PIEZO2: variants seen among roughly 807,000 people sequenced by gnomAD.
The protein encoded by PIEZO2 is piezo type mechanosensitive ion channel component 2.
Under a neutral mutation model 337.3 loss-of-function variants are expected in PIEZO2, and 172 were observed. The ratio of observed to expected loss-of-function variants is 0.51; its 90% CI spans 0.45 to 0.58. PIEZO2 has a LOEUF of 0.58. PIEZO2 is among the 20% of genes least tolerant of loss of function. The pLI, the probability that PIEZO2 is intolerant of heterozygous loss-of-function variation, is 0.00. For synonymous variants in PIEZO2, 1,251 were observed against 1,228.5 expected, an observed-to-expected ratio of 1.02 and a Z score of -0.38; for missense variants, 3,028 against 3,391.3, an observed-to-expected ratio of 0.89 and a Z score of 2.66.
intron 1 of PIEZO2, among the ~76,000 whole-genome samples, chr18:11,074,758 A>G (rs1568351461): frequency 6.6e-6 from 1 of 152,256 alleles, no homozygotes; most frequent in Non-Finnish European, 1.5e-5. Flanking sequence ...AGGTGGCCAC[A>G]TAACATTTGT....
At chr18:11,037,539 T>C (rs2036966906) in intron 2 of PIEZO2, among the ~76,000 whole-genome samples, 1 of 152,184 alleles carries the variant, frequency 6.6e-6, no homozygotes, top group Non-Finnish European at 1.5e-5. Context: ...AAGTCCTAAA[T>C]TGTGAAATAT....
At position 10,691,282 on chromosome 18, in the gene PIEZO2, A is replaced by G. The variant is rs748334013; in HGVS notation, c.7292T>C (p.Val2431Ala). The G allele has an allele frequency of 1.9e-6, 3 of 1,614,010 alleles. No homozygotes were observed. The highest frequency in any genetic ancestry group is 2.5e-6 in the Non-Finnish European group (3 of 1,179,986). The change falls in exon 48 of 56, where the codon GTC becomes GCC. Residue 2431 changes from valine (V) to alanine (A), a missense_variant. Val to Ala is a moderately conservative substitution (Grantham distance 64). This residue lies in a region of PIEZO2 where 179 missense variants were observed against 281.8 expected (regional missense o/e 0.64). Coordinates refer to ENST00000674853, the MANE Select transcript of PIEZO2 (RefSeq NM_001378183.1). Reference sequence around the variant, plus strand: ...GCTCTTGGTGAGGAAGTTCCCCAGGACTCGCGTTGGGTAGCCACAACGGAT... The same window carrying G: ...GCTCTTGGTGAGGAAGTTCCCCAGGGCTCGCGTTGGGTAGCCACAACGGAT... ...YQIRCGYPTR[V>A]LGNFLTKSYN...
rs10718341 is a variant in PIEZO2, at chr18:10,828,140, G to GTTTTT, written c.918-20871_918-20867dup. Reference sequence around the variant, plus strand: ...GGTTTTTTTTTGTTTGTTTGTTTTTGTTTTTTTTTTTTTTTACAGTAAAAC... The same window carrying GTTTTT: ...GGTTTTTTTTTGTTTGTTTGTTTTTGTTTTTTTTTTTTTTTTTTTTACAGTAAAAC... On this transcript the variant is annotated intron_variant, in intron 7 of 55. Coordinates refer to ENST00000674853, the MANE Select transcript of PIEZO2 (RefSeq NM_001378183.1). This position sits in a 1 kb window ranked among gnomAD's most constrained non-coding sequence, Gnocchi z 4.1. Among the ~76,000 whole-genome samples the GTTTTT allele has an allele frequency of 7.1e-6, 1 of 141,020 alleles. No homozygotes were observed. Among genetic ancestry groups the GTTTTT allele is most frequent in the Non-Finnish European group, 1.5e-5 (1 of 64,616 alleles). The allele number at this position is 141,020 out of a possible 152,430, so 92.5% of individuals were successfully genotyped here.
chr18:11,109,581 G>A lies in PIEZO2; in HGVS notation c.64+38944C>T, dbSNP rs1372238311. Reference sequence around the variant, plus strand: ...AAATACAAAAAAATTAGCCGGGCATGGTGGCATGCACCTGTAATCCCAGCT... The same window carrying A: ...AAATACAAAAAAATTAGCCGGGCATAGTGGCATGCACCTGTAATCCCAGCT... On this transcript the variant is annotated intron_variant, in intron 1 of 55. Transcript: ENST00000674853. The surrounding 1 kb of genome is among the most constrained non-coding windows in gnomAD (Gnocchi z 5.1). 1.3e-5 allele frequency among the ~76,000 whole-genome samples: 2 copies of A among 152,120 alleles called. No individual in the cohort carries two copies. The highest frequency in any genetic ancestry group is 2.9e-5 in the Non-Finnish European group (2 of 68,028).
Position 10,942,645 on chromosome 18 carries a change from G to T in PIEZO2, c.287-31417C>A, listed in dbSNP as rs988838111. Among the ~76,000 whole-genome samples, 4 of 152,144 alleles carry T rather than the reference G, an allele frequency of 2.6e-5. No individual in the cohort carries two copies. The highest frequency in any genetic ancestry group is 5.9e-5 in the Non-Finnish European group (4 of 68,014). On this transcript the variant is annotated intron_variant, in intron 3 of 55. Coordinates refer to ENST00000674853, the MANE Select transcript of PIEZO2 (RefSeq NM_001378183.1). The surrounding 1 kb of genome is among the most constrained non-coding windows in gnomAD (Gnocchi z 4.4). ...CAAAAGTTCGGAAAATTTGCAGCCT[G>T]ACAATGCAATAAAAAAGAAAATCCC...
At chr18:10,949,645 A>G (rs1023436818) in intron 3 of PIEZO2, among the ~76,000 whole-genome samples, 3 of 152,252 alleles carry the variant, frequency 2.0e-5, no homozygotes, top group South Asian at 2.1e-4. Context: ...ACCAGCCACA[A>G]TTGGTTGGAA....
chr18:10,994,820 G>A (rs371993755), intron 2 of PIEZO2, among the ~76,000 whole-genome samples: 135 of 151,488 alleles, frequency 8.9e-4, no homozygotes, highest in African/African-American at 3.1e-3. Context: ...AGTAGCTCAC[G>A]CCTGTAATCC....
At chr18:11,013,930 C>T (rs1237675764) in intron 2 of PIEZO2, among the ~76,000 whole-genome samples, 2 of 152,178 alleles carry the variant, frequency 1.3e-5, no homozygotes, top group Non-Finnish European at 2.9e-5. Flanking sequence ...AATCCTCAGT[C>T]AAGACATTAC....
chr18:10,774,483 T>C (rs2038718070), intron 18 of PIEZO2, among the ~76,000 whole-genome samples: 2 of 152,062 alleles, frequency 1.3e-5, no homozygotes, highest in African/African-American at 4.8e-5. Context: ...TTTTCAGGAG[T>C]GAGACGTCTG....
At chr18:10,754,829 T>A (rs932573505) in intron 27 of PIEZO2, among the ~76,000 whole-genome samples, 1 of 152,200 alleles carries the variant, frequency 6.6e-6, no homozygotes, top group Non-Finnish European at 1.5e-5. Flanking sequence ...CGCATAAACA[T>A]TCAGATTTGG....
chr18:10,689,515 T>C, intron 49 of PIEZO2, 140 bp downstream of exon 49: 1 of 1,107,588 alleles, frequency 9.0e-7, no homozygotes. Context: ...TCTAGTGGGT[T>C]GGAAATCACT....
intron 7 of PIEZO2, among the ~76,000 whole-genome samples, chr18:10,844,807 T>G (rs1182697119): frequency 1.5e-4 from 19 of 125,324 alleles, no homozygotes; most frequent in African/African-American, 5.3e-4. Context: ...AAAAAAAAAG[T>G]ACCTACCTCA....
chr18:10,915,828 C>T (rs112470579), intron 3 of PIEZO2, among the ~76,000 whole-genome samples: 98 of 152,172 alleles, frequency 6.4e-4, no homozygotes, highest in African/African-American at 1.9e-3. Flanking sequence ...AGAATGAAGC[C>T]GCAGACCCTC....
rs35995331 is a variant in PIEZO2, at chr18:11,003,080, T to TC, written c.161-23421dup. 0.044 allele frequency among the ~76,000 whole-genome samples: 6,754 copies of TC among 152,230 alleles called. 521 individuals carry two copies. Among genetic ancestry groups the TC allele is most frequent in the African/African-American group, 0.15 (6,260 of 41,498 alleles). On this transcript the variant is annotated intron_variant, in intron 2 of 55. Transcript: ENST00000674853. The surrounding 1 kb of genome is among the most constrained non-coding windows in gnomAD (Gnocchi z 4.6). ...CAAGGAGATTCTAACCTGGGAGATG[T>TC]CCAGTGACATGTCTTTGCCGTGCCC... is the stretch of plus-strand genomic sequence containing the variant.
rs543239751 is a variant in PIEZO2 at position 11,016,670 on chromosome 18, G to A, written c.161-37010C>T. On this transcript the variant is annotated intron_variant, in intron 2 of 55. Transcript: ENST00000674853. The surrounding 1 kb of genome is among the most constrained non-coding windows in gnomAD (Gnocchi z 5.6). ...GGCAAAACCAAAAATGCACAAAACA[G>A]GTACATGGTGTTGAAGAAATCATGT... 6.6e-6 allele frequency among the ~76,000 whole-genome samples: 1 copy of A among 152,250 alleles called. No homozygotes were observed. The highest frequency in any genetic ancestry group is 6.5e-5 in the Admixed American group (1 of 15,280).
In PIEZO2 at chr18:10,862,490, T is replaced by C. The variant is rs555032707; in HGVS notation, c.493-5279A>G. Among the ~76,000 whole-genome samples, 160 of 152,298 alleles carry C rather than the reference T, an allele frequency of 1.1e-3. No individual in the cohort carries two copies. The highest frequency in any genetic ancestry group is 3.6e-3 in the African/African-American group (150 of 41,568). On this transcript the variant is annotated intron_variant, in intron 5 of 55. Coordinates refer to ENST00000674853, the MANE Select transcript of PIEZO2 (RefSeq NM_001378183.1). The surrounding 1 kb of genome is among the most constrained non-coding windows in gnomAD (Gnocchi z 4.4). ...ACAACATCCTCTCACCCTACAGCAGTACTGGTTCCATTAAGCCGTGGCATC... is the reference window on the plus strand; with the variant it reads ...ACAACATCCTCTCACCCTACAGCAGCACTGGTTCCATTAAGCCGTGGCATC...
At chr18:11,108,143 A>G (rs1292520407) in intron 1 of PIEZO2, among the ~76,000 whole-genome samples, 4 of 152,200 alleles carry the variant, frequency 2.6e-5, no homozygotes, top group African/African-American at 9.6e-5. Context: ...AGTGAGTAAC[A>G]TCAATATGCT....
chr18:10,675,200 C>A lies in PIEZO2; in HGVS notation c.8161+9G>T. ...AAACAATTCTGAAACAAATTTTTCT[C>A]ATTCTTACCAGATAAAAGTTGCTTT... On this transcript the variant is annotated intron_variant, in intron 54 of 55. Coordinates refer to ENST00000674853, the MANE Select transcript of PIEZO2 (RefSeq NM_001378183.1). The A allele has an allele frequency of 6.6e-7, 1 of 1,515,538 alleles. No individual in the cohort carries two copies. The highest frequency in any genetic ancestry group is 1.2e-5 in the South Asian group (1 of 82,012). The allele number at this position is 1,515,538 out of a possible 1,614,324, so 93.9% of individuals were successfully genotyped here. A position where few individuals can be genotyped will look rare whatever the true frequency, so the allele number is the denominator to read the frequency against.
At chr18:10,991,220 A>G (rs1489525866) in intron 2 of PIEZO2, among the ~76,000 whole-genome samples, 1 of 150,820 alleles carries the variant, frequency 6.6e-6, no homozygotes, top group Non-Finnish European at 1.5e-5. Context: ...ATATATACAC[A>G]CACACACACA....
Sources: allele counts gnomAD v4.1 joint callset (sites outside exome capture counted in the v4.1 genomes callset), GRCh38; gene constraint gnomAD v4.1.1; regional missense constraint gnomAD v4.1.1; non-coding constraint Gnocchi (gnomAD v3.1); transcripts MANE v1.5; gene names NCBI Gene and HGNC (gene_info 2026-07-23, HGNC 2026-07-21).